AR: variants seen among roughly 807,000 people sequenced by gnomAD.
AR encodes dihydrotestosterone receptor.
In AR, 8 loss-of-function variants were observed where a neutral mutation model predicts 53.9. The observed-to-expected ratio is 0.15, with a 90% CI of 0.09 to 0.27. The LOEUF (loss-of-function observed/expected upper bound fraction) is 0.27. Ranked by LOEUF, AR falls within the 10% of genes least tolerant of loss-of-function variation. The probability of loss-of-function intolerance (pLI) is 1.00; values close to 1 mark genes in which losing one functional copy is unlikely to be tolerated. For synonymous variants in AR, 359 were observed against 316.4 expected (o/e 1.13, Z -1.43); for missense variants, 639 against 742.5 (o/e 0.86, Z 1.62).
chrX:67,636,798 G>C (rs142831330), intron 1 of AR, among the ~76,000 whole-genome samples: 1,243 of 111,692 alleles, frequency 0.011, 14 homozygotes, highest in African/African-American at 0.038. Context: ...TAGCTGGGGA[G>C]TCAGGGAGAA....
rs2147547627 is a variant in AR at position 67,729,505 on chromosome X, C to T, written c.*5664C>T. ...AGCTTTTGACTCAGCTTTGATTTAT[C>T]CTCATTTGATTTGGCCAGAAAGTAG... On this transcript the variant is annotated 3_prime_UTR_variant, in exon 8 of 8. Transcript: ENST00000374690. 5.8e-6 allele frequency: 1 copy of T among 173,508 alleles called. No homozygotes were observed. The highest frequency in any genetic ancestry group is 2.9e-5 in the African/African-American group (1 of 33,927). The allele number at this position is 173,508 out of a possible 1,213,427, so 14.3% of individuals were successfully genotyped here. A position where few individuals can be genotyped will look rare whatever the true frequency, so the allele number is the denominator to read the frequency against.
At chrX:67,631,997 C>A (rs1925160782) in intron 1 of AR, among the ~76,000 whole-genome samples, 1 of 113,341 alleles carries the variant, frequency 8.8e-6, no homozygotes, top group African/African-American at 3.2e-5. Context: ...TCTGCCCATT[C>A]TCAGATCTCC....
At chrX:67,576,712 G>A (rs1384201943) in intron 1 of AR, among the ~76,000 whole-genome samples, 1 of 110,834 alleles carries the variant, frequency 9.0e-6, no homozygotes, top group African/African-American at 3.3e-5. Context: ...TGGAGCTGGT[G>A]TGCTGAGAGC....
At chrX:67,722,211 T>C in intron 6 of AR, 1 of 376,012 alleles carries the variant, frequency 2.7e-6, no homozygotes, top group Non-Finnish European at 4.7e-6. Context: ...CCCCAGTCTG[T>C]CTTTGGGACA....
chrX:67,700,185 C>T (rs1383352318), intron 3 of AR, among the ~76,000 whole-genome samples: 5 of 111,712 alleles, frequency 4.5e-5, no homozygotes. Context: ...AGATAGTGAA[C>T]TCACATACTA....
chrX:67,710,727 T>C (rs1373099871), intron 3 of AR, among the ~76,000 whole-genome samples: 1 of 112,096 alleles, frequency 8.9e-6, no homozygotes, highest in Non-Finnish European at 1.9e-5. Flanking sequence ...ATGCAACATA[T>C]GTTTCAGCCA....
rs969558401 is a variant in AR, at chrX:67,544,995, T to A, written c.-152T>A. 1.1e-6 allele frequency: 1 copy of A among 878,374 alleles called. No individual in the cohort carries two copies. Among genetic ancestry groups the A allele is most frequent in the African/African-American group, 2.0e-5 (1 of 49,118 alleles). The allele number at this position is 878,374 out of a possible 1,213,427, so 72.4% of individuals were successfully genotyped here. ...GGCTGTCAGAGCGCTTTTTGCGTGG[T>A]TGCTCCCGCAAGTTTCCTTCTCTGG... On this transcript the variant is annotated 5_prime_UTR_variant, in exon 1 of 8. It adds an upstream start codon to the 5' untranslated region. Transcript: ENST00000374690.
At position 67,726,813 on chromosome X, in the gene AR, TACAA is replaced by T. The variant is rs1331745309; in HGVS notation, c.*2976_*2979del. The T allele has an allele frequency of 1.7e-5, 3 of 173,615 alleles. No individual in the cohort carries two copies. Among genetic ancestry groups the T allele is most frequent in the East Asian group, 8.1e-5 (1 of 12,290 alleles). The allele number at this position is 173,615 out of a possible 1,213,427, so 14.3% of individuals were successfully genotyped here. On this transcript the variant is annotated 3_prime_UTR_variant, in exon 8 of 8. Transcript: ENST00000374690. Reference sequence around the variant, plus strand: ...GTCTCATTTTGCATGCGCTCTGCTCTACAAACAGAGTTGGTATGGTTGGTATACT... The same window carrying T: ...GTCTCATTTTGCATGCGCTCTGCTCTACAGAGTTGGTATGGTTGGTATACT...
chrX:67,638,997 G>A (rs1025254189), intron 1 of AR, among the ~76,000 whole-genome samples: 1 of 111,865 alleles, frequency 8.9e-6, no homozygotes, highest in Admixed American at 9.5e-5. Flanking sequence ...TTTTGTGTAA[G>A]GTGTAAGGAA....
At chrX:67,720,257 C>T (rs1020077569) in intron 5 of AR, among the ~76,000 whole-genome samples, 27 of 110,524 alleles carry the variant, frequency 2.4e-4, no homozygotes, top group Admixed American at 1.6e-3. Context: ...CTCTCTCTTC[C>T]TTCCTTTAAC....
intron 1 of AR, among the ~76,000 whole-genome samples, chrX:67,625,898 A>C (rs1055901518): frequency 9.0e-6 from 1 of 110,733 alleles, no homozygotes; most frequent in Non-Finnish European, 1.9e-5. Flanking sequence ...AGAGAAAAAA[A>C]ATTTTTTTAA....
chrX:67,708,877 C>T (rs1447245049), intron 3 of AR, among the ~76,000 whole-genome samples: 2 of 112,309 alleles, frequency 1.8e-5, no homozygotes, highest in African/African-American at 6.5e-5. Context: ...CCCTCAGCTG[C>T]AGGTCTGTTG....
chrX:67,706,082 A>T (rs1282795003), intron 3 of AR, among the ~76,000 whole-genome samples: 2 of 112,017 alleles, frequency 1.8e-5, no homozygotes, highest in East Asian at 5.6e-4. Flanking sequence ...ATCGATATTC[A>T]TCAGGGATAT....
intron 3 of AR, among the ~76,000 whole-genome samples, chrX:67,691,791 C>T (rs1428405258): frequency 9.0e-6 from 1 of 111,639 alleles, no homozygotes; most frequent in Non-Finnish European, 1.9e-5. Context: ...CTATTAGCTA[C>T]TAATGCCACT....
At chrX:67,659,271 G>A (rs1008751594) in intron 2 of AR, among the ~76,000 whole-genome samples, 6 of 109,831 alleles carry the variant, frequency 5.5e-5, no homozygotes, top group Non-Finnish European at 9.5e-5. Context: ...CAACATGCAG[G>A]TTTGTTACAT....
intron 2 of AR, among the ~76,000 whole-genome samples, chrX:67,677,009 G>A (rs1314553759): frequency 6.3e-5 from 7 of 110,336 alleles, no homozygotes; most frequent in African/African-American, 2.3e-4. Flanking sequence ...CAGACAAGGA[G>A]GTGATAGCAA....
chrX:67,659,947 G>C (rs1401250093), intron 2 of AR, among the ~76,000 whole-genome samples: 1 of 111,844 alleles, frequency 8.9e-6, no homozygotes, highest in Non-Finnish European at 1.9e-5. Context: ...GTTTTGATTT[G>C]CATTTCTCTG....
At chrX:67,610,229 A>G in intron 1 of AR, among the ~76,000 whole-genome samples, 1 of 111,429 alleles carries the variant, frequency 9.0e-6, no homozygotes, top group Non-Finnish European at 1.9e-5. Context: ...GGTCAATGGA[A>G]TTACAGCTTA....
intron 1 of AR, among the ~76,000 whole-genome samples, chrX:67,590,724 G>A (rs945840862): frequency 8.1e-5 from 9 of 111,793 alleles, no homozygotes; most frequent in African/African-American, 2.9e-4. Flanking sequence ...TTAGGAGTTC[G>A]TAAACTATAC....
Sources: gnomAD v4.1 joint callset for allele counts (sites outside exome capture counted in the v4.1 genomes callset) on GRCh38, gnomAD v4.1.1 for gene constraint, MANE v1.5 for transcripts, NCBI Gene and HGNC (gene_info 2026-07-23, HGNC 2026-07-21) for gene names.